Variants in FRMD8 observed in about 807,000 individuals in gnomAD.
The protein encoded by FRMD8 is FERM domain-containing protein 8.
Under a neutral mutation model 54.2 loss-of-function variants are expected in FRMD8, and 37 were observed. That is an observed-to-expected ratio of 0.68 (90% CI 0.53 to 0.90). FRMD8 has a LOEUF of 0.90. Among genes scored for constraint, FRMD8 ranks in the 40% least tolerant of loss-of-function variants. The pLI is 0.00. For missense variants in FRMD8, 585 were observed against 653.7 expected (o/e 0.89, Z 1.15); for synonymous variants, 246 against 286.9 (o/e 0.86, Z 1.44).
chr11:65,369,339 C>T, the FRMD8 span, among the ~76,000 whole-genome samples: 2 of 151,534 alleles, frequency 1.3e-5, no homozygotes, highest in Non-Finnish European at 2.9e-5. Context: ...AATCTCAGCA[C>T]TGTGGGAGGC....
In FRMD8 at chr11:65,411,605, C is replaced by G. The variant is rs888217288; in HGVS notation, c.*245C>G. Reference sequence around the variant, plus strand: ...CCCTCCCTTCCCCCGGATGCTGGGCCCTGCTGCTCTCTCAGGACCATCCGA... The same window carrying G: ...CCCTCCCTTCCCCCGGATGCTGGGCGCTGCTGCTCTCTCAGGACCATCCGA... On this transcript the variant is annotated 3_prime_UTR_variant, in exon 11 of 11. Transcript: ENST00000317568. 2 of 412,028 alleles carry G rather than the reference C, an allele frequency of 4.9e-6. No individual in the cohort carries two copies. Among genetic ancestry groups the G allele is most frequent in the Non-Finnish European group, 8.8e-6 (2 of 228,564 alleles). 25.5% of individuals were successfully genotyped at this position (412,028 alleles called of 1,614,324 possible).
intron 3 of FRMD8, among the ~76,000 whole-genome samples, chr11:65,390,931 C>G (rs1440965541): frequency 6.6e-6 from 1 of 152,272 alleles, no homozygotes; most frequent in Non-Finnish European, 1.5e-5. Flanking sequence ...AAGACCCCGG[C>G]ACAAAGTCAG....
intron 10 of FRMD8, 97 bp downstream of exon 10, chr11:65,405,165 A>AGACCCAGTGT: frequency 8.3e-7 from 1 of 1,210,464 alleles, no homozygotes. Context: ...GAGCAGCTCC[A>AGACCCAGTGT]GACCCAGTGT....
chr11:65,407,568 A>G (rs900359633), intron 10 of FRMD8, among the ~76,000 whole-genome samples: 1 of 151,448 alleles, frequency 6.6e-6, no homozygotes, highest in Non-Finnish European at 1.5e-5. Context: ...TACATTTTAC[A>G]TGGCAAGATG....
intron 3 of FRMD8, 137 bp downstream of exon 3, chr11:65,389,665 C>A: frequency 2.3e-6 from 2 of 867,440 alleles, no homozygotes; most frequent in Non-Finnish European, 3.5e-6. Context: ...TTGGGTTTAT[C>A]CTGAGCTGTC....
chr11:65,400,712 C>T lies in FRMD8; in HGVS notation c.928-12C>T. On this transcript the variant is annotated splice_polypyrimidine_tract_variant and intron_variant, in intron 8 of 10. Transcript: ENST00000317568. This position sits in a 1 kb window ranked among gnomAD's most constrained non-coding sequence, Gnocchi z 4.3. ...AGGGGTCAAGCCTGGCTCTGTGTCT[C>T]CTGCTGGCCAGCATGTCCTGCTGGG... is the stretch of plus-strand genomic sequence containing the variant. 6.4e-7 allele frequency: 1 copy of T among 1,569,744 alleles called. No homozygotes were observed. The highest frequency in any genetic ancestry group is 8.6e-7 in the Non-Finnish European group (1 of 1,159,348).
chr11:65,377,761 G>C, the FRMD8 span: 1 of 152,418 alleles, frequency 6.6e-6, no homozygotes. Context: ...GTGCTGGGGG[G>C]ATGTAGAGGG....
At chr11:65,385,105 C>T (rs1313673124), upstream of FRMD8, among the ~76,000 whole-genome samples, 1 of 152,194 alleles carries the variant, frequency 6.6e-6, no homozygotes, top group Admixed American at 6.5e-5. Context: ...CATCCCCTGA[C>T]CTAGCACAAG....
At chr11:65,380,578 C>T in the FRMD8 span, 11 of 1,299,906 alleles carry the variant, frequency 8.5e-6, no homozygotes, top group African/African-American at 1.5e-5. Flanking sequence ...ATAATGTCGT[C>T]GCCGGGATCC....
chr11:65,382,211 G>A (rs946969414), upstream of FRMD8: 46 of 546,650 alleles, frequency 8.4e-5, no homozygotes, highest in African/African-American at 2.7e-4. The surrounding 1 kb of genome is among the most constrained non-coding windows in gnomAD (Gnocchi z 4.4). Context: ...CCTGATCCCC[G>A]AGCCCGGCCA....
At chr11:65,386,062 C>T (rs1347745863), upstream of FRMD8, among the ~76,000 whole-genome samples, 3 of 152,174 alleles carry the variant, frequency 2.0e-5, no homozygotes, top group South Asian at 2.1e-4. Flanking sequence ...TCCCAAAGTG[C>T]TGGGATTACA....
chr11:65,406,301 T>A (rs1432072811), intron 10 of FRMD8, among the ~76,000 whole-genome samples: 1 of 151,652 alleles, frequency 6.6e-6, no homozygotes, highest in Non-Finnish European at 1.5e-5. Context: ...TTCACGCCAT[T>A]CTCCTGCCTC....
upstream of FRMD8, chr11:65,382,323 A>G (rs1315380479): frequency 3.4e-6 from 1 of 294,256 alleles, no homozygotes; most frequent in Admixed American, 4.2e-5. The surrounding 1 kb of genome is among the most constrained non-coding windows in gnomAD (Gnocchi z 4.4). Context: ...CTGCCCAGCC[A>G]GCCCAGCTCC....
chr11:65,391,699 C>T (rs893392448), intron 3 of FRMD8, among the ~76,000 whole-genome samples: 2 of 152,004 alleles, frequency 1.3e-5, no homozygotes, highest in African/African-American at 2.4e-5. Flanking sequence ...TTAGTAGAGA[C>T]GGGGTTTTCC....
the FRMD8 span, chr11:65,379,877 C>T: frequency 8.1e-6 from 13 of 1,614,066 alleles, no homozygotes; most frequent in East Asian, 6.7e-5. Flanking sequence ...GGACTCATGG[C>T]GGTAAATCTT....
intron 9 of FRMD8, among the ~76,000 whole-genome samples, chr11:65,402,276 C>G (rs1282371363): frequency 6.6e-6 from 1 of 151,784 alleles, no homozygotes; most frequent in Non-Finnish European, 1.5e-5. Context: ...ATCACTTGAA[C>G]TGGGGAGGCA....
In FRMD8 at chr11:65,389,384, G is replaced by T; in HGVS notation, c.109G>T (p.Ala37Ser). 1 of 1,610,794 alleles carries T rather than the reference G, an allele frequency of 6.2e-7. No individual in the cohort carries two copies. The change falls in exon 3 of 11, where the codon GCG (alanine) becomes TCG (serine). Residue 37 changes from alanine (A) to serine (S), a missense_variant. By Grantham distance (99) the Ala-to-Ser change is moderately conservative (BLOSUM62 1). Coordinates refer to ENST00000317568, the MANE Select transcript of FRMD8 (RefSeq NM_031904.5). ...ARAADVLVYL[A>S]DDTVVPLAVE... ...AGCGGCTGACGTGCTGGTATACCTA[G>T]CGGATGACACGGTGGTGCCCCTGGC... is the stretch of plus-strand genomic sequence containing the variant.
the FRMD8 span, chr11:65,376,506 TC>T: frequency 6.2e-7 from 1 of 1,614,122 alleles, no homozygotes; most frequent in South Asian, 1.1e-5. Context: ...GGAAGAAGAC[TC>T]CCAGTCCTTC....
intron 2 of FRMD8, 196 bp downstream of exon 2, chr11:65,387,317 C>G: frequency 1.5e-6 from 1 of 676,974 alleles, no homozygotes; most frequent in Non-Finnish European, 2.7e-6. Context: ...GGTCCTCGCT[C>G]TCATTTGTAA....
Sources: gnomAD v4.1 joint callset for allele counts (sites outside exome capture counted in the v4.1 genomes callset) on GRCh38, gnomAD v4.1.1 for gene constraint, Gnocchi (gnomAD v3.1) non-coding constraint, MANE v1.5 for transcripts, NCBI Gene and HGNC (gene_info 2026-07-23, HGNC 2026-07-21) for gene names.